SLC9A4: variants seen among roughly 807,000 people sequenced by gnomAD.
SLC9A4 encodes solute carrier family 9 member A4.
A neutral mutation model predicts 67.4 loss-of-function variants in SLC9A4; 63 were observed. The ratio of observed to expected loss-of-function variants is 0.93; its 90% CI spans 0.76 to 1.15. The LOEUF (loss-of-function observed/expected upper bound fraction) is 1.15, where lower values mean the gene tolerates loss of function less well. Among genes scored for constraint, SLC9A4 ranks in the 50% most tolerant of loss-of-function variants. The probability of loss-of-function intolerance (pLI) is 0.00; values close to 1 mark genes in which losing one functional copy is unlikely to be tolerated. For synonymous variants in SLC9A4, 393 were observed against 367.2 expected (o/e 1.07, Z -0.80); for missense variants, 1,089 against 987.7 (o/e 1.10, Z -1.38).
chr2:102,476,166 A>G (rs1435603403), intron 1 of SLC9A4, among the ~76,000 whole-genome samples: 2 of 152,222 alleles, frequency 1.3e-5, no homozygotes, highest in African/African-American at 4.8e-5. Flanking sequence ...CTTATAAAAC[A>G]AAGATAATGT....
chr2:102,473,809 T>C lies in SLC9A4; in HGVS notation c.50T>C (p.Leu17Pro), dbSNP rs79378995. 1.8e-3 allele frequency: 2,937 copies of C among 1,614,132 alleles called. 53 individuals carry two copies. The East Asian group carries it at 0.044, about 24-fold the overall frequency. Reference sequence around the variant, plus strand: ...TACAGTCCTTGGAATTGTTTGCTACTGCTAGTGGCTCTTGAGTGTTCTGAA... The same window carrying C: ...TACAGTCCTTGGAATTGTTTGCTACCGCTAGTGGCTCTTGAGTGTTCTGAA... ...VTYSPWNCLL[L>P]LVALECSEAS... Residue 17 changes from leucine to proline, a missense_variant, in exon 1 of 12, where the codon CTG becomes CCG. Coordinates refer to ENST00000295269, the MANE Select transcript of SLC9A4 (RefSeq NM_001011552.4).
At chr2:102,481,068 G>C (rs1447340295) in intron 2 of SLC9A4, among the ~76,000 whole-genome samples, 1 of 152,162 alleles carries the variant, frequency 6.6e-6, no homozygotes, top group Non-Finnish European at 1.5e-5. Flanking sequence ...ACTGTGCCTG[G>C]TACCCTTGAT....
intron 2 of SLC9A4, 100 bp downstream of exon 2, chr2:102,479,402 C>T: frequency 7.9e-7 from 1 of 1,261,012 alleles, no homozygotes; most frequent in Non-Finnish European, 1.1e-6. Flanking sequence ...TGGCTCAGCG[C>T]AGCAGGACAG....
intron 8 of SLC9A4, among the ~76,000 whole-genome samples, chr2:102,518,301 C>A (rs956325561): frequency 6.6e-6 from 1 of 152,200 alleles, no homozygotes; most frequent in African/African-American, 2.4e-5. Context: ...TAGGTTGTTT[C>A]ATAATGAACA....
intron 2 of SLC9A4, among the ~76,000 whole-genome samples, chr2:102,502,658 G>A (rs903492183): frequency 1.4e-4 from 21 of 152,216 alleles, no homozygotes; most frequent in Non-Finnish European, 2.5e-4. Flanking sequence ...AGTTGGTCTG[G>A]AGTTGGTGGG....
intron 2 of SLC9A4, among the ~76,000 whole-genome samples, chr2:102,495,950 C>A: frequency 6.6e-6 from 1 of 151,892 alleles, no homozygotes; most frequent in East Asian, 1.9e-4. Context: ...ACTATAGAAA[C>A]AAAGACTTTT....
rs1523204 is a variant in SLC9A4, at chr2:102,519,178, G to T, written c.1722-681G>T. Among the ~76,000 whole-genome samples the T allele has an allele frequency of 6.6e-5, 10 of 152,048 alleles. No individual in the cohort carries two copies. In the East Asian group the frequency reaches 1.7e-3, roughly 26 times the overall value. ...TAATCCCTTTCAGAGGTGGGAAGGG[G>T]TCACAGTGTATAATATCTTAGAGCT... On this transcript the variant is annotated intron_variant, in intron 8 of 11. Transcript: ENST00000295269.
At chr2:102,508,642 A>G (rs563900051) in intron 5 of SLC9A4, among the ~76,000 whole-genome samples, 3 of 152,342 alleles carry the variant, frequency 2.0e-5, no homozygotes, top group Admixed American at 6.5e-5. Context: ...CCAAATTCCT[A>G]TATTAACATA....
chr2:102,478,304 T>C (rs1231669890), intron 1 of SLC9A4, among the ~76,000 whole-genome samples: 1 of 152,242 alleles, frequency 6.6e-6, no homozygotes, highest in Non-Finnish European at 1.5e-5. Context: ...GCTGAATGCA[T>C]GAAGGGTCAC....
At position 102,519,940 on chromosome 2, in the gene SLC9A4, C is replaced by T. The variant is rs149306782; in HGVS notation, c.1803C>T (p.Tyr601=). The T allele has an allele frequency of 4.3e-6, 7 of 1,613,374 alleles. No individual in the cohort carries two copies. In the African/African-American group the frequency reaches 8.0e-5, roughly 18 times the overall value. The change falls in exon 9 of 12, where the codon TAC becomes TAT. Residue 601 remains tyrosine, a synonymous_variant. Transcript: ENST00000295269. ...SIRDILTSNM[Y]QVRQRTLSYN... The stretch of plus-strand genomic sequence containing the variant: ...GGGACATTCTGACATCCAACATGTA[C>T]CAAGTTCGGCAAAGGGTGTGTATGA...
intron 2 of SLC9A4, among the ~76,000 whole-genome samples, chr2:102,491,317 CTTTTTTTTTTTTTTTTTTTTT>C (rs61708027): frequency 2.2e-5 from 1 of 45,740 alleles, no homozygotes; most frequent in African/African-American, 7.1e-5. Context: ...TGTACTAATG[CTTTTTTTTTTTTTTTTTTTTT>C]TTTTTTTTTT....
chr2:102,502,072 AT>A (rs1251851180), intron 2 of SLC9A4, among the ~76,000 whole-genome samples: 1 of 151,828 alleles, frequency 6.6e-6, no homozygotes, highest in South Asian at 2.1e-4. Context: ...GATTTTTTGC[AT>A]TTTTCCTGGT....
chr2:102,514,380 A>C, intron 8 of SLC9A4, 129 bp downstream of exon 8: 1 of 592,898 alleles, frequency 1.7e-6, no homozygotes, highest in Non-Finnish European at 2.7e-6. Flanking sequence ...TATTTTTAAA[A>C]TATGTAATCT....
chr2:102,533,658 A>C lies in SLC9A4; in HGVS notation c.*970A>C, dbSNP rs865882962. 3.3e-5 allele frequency: 3 copies of C among 92,216 alleles called. No individual in the cohort carries two copies. The highest frequency in any genetic ancestry group is 4.3e-5 in the African/African-American group (1 of 23,086). The allele number at this position is 92,216 out of a possible 1,614,324, so 5.7% of individuals were successfully genotyped here. ...TCCCTCCCCCCTCCCCCCACCCCAC[A>C]ACAGTCCCCAGAGTGTGATGTTCCC... is the stretch of plus-strand genomic sequence containing the variant. On this transcript the variant is annotated 3_prime_UTR_variant, in exon 12 of 12. Coordinates refer to ENST00000295269, the MANE Select transcript of SLC9A4 (RefSeq NM_001011552.4).
At chr2:102,507,291 C>T (rs1558667544) in intron 4 of SLC9A4, among the ~76,000 whole-genome samples, 1 of 152,212 alleles carries the variant, frequency 6.6e-6, no homozygotes, top group South Asian at 2.1e-4. Context: ...TGTGACGAGA[C>T]GCACATGAGG....
intron 10 of SLC9A4, 150 bp from the exon 11 acceptor site, chr2:102,526,109 A>T (rs561141417): frequency 1.5e-6 from 1 of 650,880 alleles, no homozygotes; most frequent in East Asian, 3.6e-5. Flanking sequence ...GCTGGTCTTG[A>T]ACCCCTGACC....
Position 102,508,116 on chromosome 2 carries a change from G to A in SLC9A4, c.1236G>A (p.Arg412=), listed in dbSNP as rs1338281392. The change falls in exon 5 of 12, where the codon CGG becomes CGA. Residue 412 remains arginine (R), a synonymous_variant. Coordinates refer to ENST00000295269, the MANE Select transcript of SLC9A4 (RefSeq NM_001011552.4). ...FALFYISNQF[R]TFPFSIKDQC... Reference sequence around the variant, plus strand: ...TCTTCTATATCAGTAACCAGTTTCGGACTTTCCCCTTCTCCATCAAGGACC... The same window carrying A: ...TCTTCTATATCAGTAACCAGTTTCGAACTTTCCCCTTCTCCATCAAGGACC... 4.3e-6 allele frequency: 7 copies of A among 1,614,108 alleles called. No individual in the cohort carries two copies. Among genetic ancestry groups the A allele is most frequent in the Non-Finnish European group, 5.9e-6 (7 of 1,180,006 alleles).
In SLC9A4 at chr2:102,491,317, C is replaced by CTTTTTTTTTTT. The variant is rs61708027; in HGVS notation, c.720+12040_720+12050dup. ...ATTTCTCTTCCCATTTGTACTAATG[C>CTTTTTTTTTTT]TTTTTTTTTTTTTTTTTTTTTTTTT... On this transcript the variant is annotated intron_variant, in intron 2 of 11. Coordinates refer to ENST00000295269, the MANE Select transcript of SLC9A4 (RefSeq NM_001011552.4). Among the ~76,000 whole-genome samples, 14 of 45,770 alleles carry CTTTTTTTTTTT rather than the reference C, an allele frequency of 3.1e-4. 2 individuals are homozygous for CTTTTTTTTTTT. Among genetic ancestry groups the CTTTTTTTTTTT allele is most frequent in the Admixed American group, 8.3e-4 (2 of 2,398 alleles). The allele number at this position is 45,770 out of a possible 152,430, so 30.0% of individuals were successfully genotyped here.
rs1362207321 is a variant in SLC9A4, at chr2:102,479,227, T to A, written c.645T>A (p.Phe215Leu). The change falls in exon 2 of 12, where the codon TTT becomes TTA. Residue 215 changes from phenylalanine (F) to leucine (L), a missense_variant. Transcript: ENST00000295269. ...ACCCAGTGGCCGTGCTAGCCGTGTT[T>A]GAGGAAGCGCGCGTGAACGAGCAGC... The part of the protein sequence containing the change: ...AVDPVAVLAV[F>L]EEARVNEQLY... 4 of 1,614,074 alleles carry A rather than the reference T, an allele frequency of 2.5e-6. No homozygotes were observed. The African/African-American group carries it at 4.0e-5, about 16-fold the overall frequency.
Sources: allele counts gnomAD v4.1 joint callset (sites outside exome capture counted in the v4.1 genomes callset), GRCh38; gene constraint gnomAD v4.1.1; transcripts MANE v1.5; gene names NCBI Gene and HGNC (gene_info 2026-07-23, HGNC 2026-07-21).